The following CRYAB variants were observed in gnomAD, a reference collection of about 807,000 sequenced individuals.
CRYAB encodes crystallin alpha B, also known as alpha-crystallin B chain.
CRYAB carries 9 observed loss-of-function variants against 12.7 expected under a neutral mutation model. The observed-to-expected ratio is 0.71, with a 90% CI of 0.43 to 1.24. The LOEUF is 1.24. Among genes scored for constraint, CRYAB ranks in the 50% most tolerant of loss-of-function variants. The pLI, the probability that CRYAB is intolerant of heterozygous loss-of-function variation, is 0.00. For missense variants in CRYAB, 183 were observed against 226.6 expected (o/e 0.81, Z 1.24); for synonymous variants, 93 against 86.8 (o/e 1.07, Z -0.40).
chr11:111,910,802 G>T (rs1965428871), intron 1 of CRYAB: 2 of 363,242 alleles, frequency 5.5e-6, no homozygotes, highest in African/African-American at 2.1e-5. Context: ...TCTTCTTCTG[G>T]CTCAGGTCTC....
At chr11:111,909,481 G>A (rs1022660745) in intron 2 of CRYAB, among the ~76,000 whole-genome samples, 18 of 152,164 alleles carry the variant, frequency 1.2e-4, no homozygotes, top group African/African-American at 4.1e-4. Context: ...AGGACAAACT[G>A]TACTGGTTGA....
At chr11:111,909,160 A>G (rs141793243) in intron 2 of CRYAB, 193 bp from the exon 3 acceptor site, 2 of 677,936 alleles carry the variant, frequency 3.0e-6, no homozygotes, top group African/African-American at 3.5e-5. Context: ...TACCAGTGAG[A>G]ATCTGAGAAG....
upstream of CRYAB, chr11:111,912,670 C>T: frequency 3.5e-6 from 2 of 576,304 alleles, no homozygotes; most frequent in Non-Finnish European, 6.2e-6. Flanking sequence ...AGGGCCCCCA[C>T]TCCCAGCCCC....
upstream of CRYAB, chr11:111,913,416 C>A: frequency 6.4e-7 from 1 of 1,563,728 alleles, no homozygotes; most frequent in South Asian, 1.1e-5. Flanking sequence ...CTCATCCTGC[C>A]TCTTGCCTTC....
chr11:111,910,088 A>C lies in CRYAB; in HGVS notation c.324+239T>G. The stretch of plus-strand genomic sequence containing the variant: ...GAACCACTGGCTTAAATGGGGCATC[A>C]GCATCCCATCATCCCATCTAAGGCG... On this transcript the variant is annotated intron_variant, in intron 2 of 2. Transcript: ENST00000650687. 4 of 663,480 alleles carry C rather than the reference A, an allele frequency of 6.0e-6. No individual in the cohort carries two copies. In the South Asian group the frequency reaches 6.7e-5, roughly 11 times the overall value. 41.1% of individuals were successfully genotyped at this position (663,480 alleles called of 1,614,324 possible). A position where few individuals can be genotyped will look rare whatever the true frequency, so the allele number is the denominator to read the frequency against.
chr11:111,913,213 TC>T (rs1293348950), upstream of CRYAB: 83 of 571,580 alleles, frequency 1.5e-4, no homozygotes, highest in Admixed American at 4.6e-4. Context: ...CTCCTCCTCC[TC>T]CCCCTCCTCC....
chr11:111,913,490 T>C (rs1335025061), upstream of CRYAB: 2 of 1,613,188 alleles, frequency 1.2e-6, no homozygotes, highest in African/African-American at 1.3e-5. Context: ...ATGGCTACTA[T>C]GTCCGGCCTC....
intron 1 of CRYAB, among the ~76,000 whole-genome samples, chr11:111,921,036 C>T (rs1294879680): frequency 6.6e-6 from 1 of 152,170 alleles, no homozygotes; most frequent in African/African-American, 2.4e-5. Flanking sequence ...GAATTTTCAT[C>T]ACTGCCATGC....
chr11:111,908,597 T>C lies in CRYAB; in HGVS notation c.*167A>G, dbSNP rs1259132372. ...ATCTGTATATTTATTTAAAAGTGTG[T>C]GGAATATTCAAACACAAGACAGTTA... On this transcript the variant is annotated 3_prime_UTR_variant, in exon 3 of 3. Coordinates refer to ENST00000650687, the MANE Select transcript of CRYAB (RefSeq NM_001289808.2). 7.7e-6 allele frequency: 5 copies of C among 646,382 alleles called. No individual in the cohort carries two copies. The Admixed American group carries it at 1.2e-4, about 16-fold the overall frequency. 40.0% of individuals were successfully genotyped at this position (646,382 alleles called of 1,614,324 possible).
At chr11:111,910,243 A>G (rs1488454190) in intron 2 of CRYAB, 84 bp downstream of exon 2, 1 of 1,554,054 alleles carries the variant, frequency 6.4e-7, no homozygotes, top group Non-Finnish European at 8.8e-7. Context: ...GAATGTAGCC[A>G]GCCTCCAAAG....
chr11:111,909,789 C>G (rs1965394432), intron 2 of CRYAB: 1 of 239,488 alleles, frequency 4.2e-6, no homozygotes, highest in Non-Finnish European at 8.1e-6. Flanking sequence ...GAAGTCACAA[C>G]TCAAGTGCTT....
chr11:111,918,949 G>A (rs782581437), intron 1 of CRYAB: 18 of 1,614,012 alleles, frequency 1.1e-5, no homozygotes, highest in Admixed American at 3.3e-5. Flanking sequence ...AAAAACAGCT[G>A]GGCTCCCTTG....
chr11:111,917,535 C>G (rs183419031), upstream of CRYAB, among the ~76,000 whole-genome samples: 246 of 151,824 alleles, frequency 1.6e-3, 1 homozygote, highest in African/African-American at 5.8e-3. Context: ...AGGTGTGGTG[C>G]CTCACACCTG....
upstream of CRYAB, among the ~76,000 whole-genome samples, chr11:111,916,746 A>G (rs1035917013): frequency 6.6e-6 from 1 of 152,072 alleles, no homozygotes; most frequent in Non-Finnish European, 1.5e-5. Flanking sequence ...TAGGCATATG[A>G]GGTTTTCTGG....
chr11:111,923,022 G>A, intron 1 of CRYAB, among the ~76,000 whole-genome samples: 1 of 152,194 alleles, frequency 6.6e-6, no homozygotes, highest in East Asian at 1.9e-4. Context: ...TCTAACTTGA[G>A]AACAGGCTCT....
rs117865217 is a variant in CRYAB, at chr11:111,911,415, C to T, written c.201+109G>A. On this transcript the variant is annotated intron_variant, in intron 1 of 2. Transcript: ENST00000650687. ...CTCCTCATTTTTCTTCACATTTGGA[C>T]ACACATGTGCCTAAAATGGTTTAGG... 7.7e-3 allele frequency: 8,511 copies of T among 1,107,032 alleles called. 40 individuals are homozygous for T. The highest frequency in any genetic ancestry group is 0.024 in the Middle Eastern group (91 of 3,818). The allele number at this position is 1,107,032 out of a possible 1,614,324, so 68.6% of individuals were successfully genotyped here. A position where few individuals can be genotyped will look rare whatever the true frequency, so the allele number is the denominator to read the frequency against.
intron 1 of CRYAB, among the ~76,000 whole-genome samples, chr11:111,920,537 T>TG (rs1216367668): frequency 4.0e-5 from 6 of 149,796 alleles, no homozygotes; most frequent in Admixed American, 2.7e-4. Flanking sequence ...GACTATGTCT[T>TG]GAAAAAAAAA....
At chr11:111,920,410 C>T (rs184545698) in intron 1 of CRYAB, among the ~76,000 whole-genome samples, 13 of 151,924 alleles carry the variant, frequency 8.6e-5, no homozygotes, top group Admixed American at 5.2e-4. Context: ...TGGTGGCACA[C>T]GCCTGTAATC....
chr11:111,909,343 C>T, intron 2 of CRYAB: 1 of 414,358 alleles, frequency 2.4e-6, no homozygotes, highest in Non-Finnish European at 4.7e-6. Flanking sequence ...CAGGAATGTC[C>T]CAGAAGGTTC....
Sources: gnomAD v4.1 joint callset for allele counts (sites outside exome capture counted in the v4.1 genomes callset) on GRCh38, gnomAD v4.1.1 for gene constraint, MANE v1.5 for transcripts, NCBI Gene and HGNC (gene_info 2026-07-23, HGNC 2026-07-21) for gene names.